The following ZNF782 variants were observed in gnomAD, a reference collection of about 807,000 sequenced individuals.
The protein encoded by ZNF782 is zinc finger protein 782.
A neutral mutation model predicts 13.0 loss-of-function variants in ZNF782; 12 were observed. The observed-to-expected ratio is 0.92, with a 90% CI of 0.59 to 1.50. The LOEUF (loss-of-function observed/expected upper bound fraction) is 1.50. Among genes scored for constraint, ZNF782 ranks in the 40% most tolerant of loss-of-function variants. The pLI, the probability that ZNF782 is intolerant of heterozygous loss-of-function variation, is 0.00. For synonymous variants in ZNF782, 284 were observed against 283.0 expected, an observed-to-expected ratio of 1.00 and a Z score of -0.04; for missense variants, 770 against 822.9, an observed-to-expected ratio of 0.94 and a Z score of 0.79.
chr9:96,835,306 G>A (rs754913683), intron 4 of ZNF782, among the ~76,000 whole-genome samples: 1 of 152,204 alleles, frequency 6.6e-6, no homozygotes, highest in Non-Finnish European at 1.5e-5. Context: ...AGAAGGATTT[G>A]GAAAATTTGC....
At chr9:96,865,227 T>C (rs1230564936) in intron 1 of ZNF782, among the ~76,000 whole-genome samples, 1 of 152,100 alleles carries the variant, frequency 6.6e-6, no homozygotes, top group African/African-American at 2.4e-5. Flanking sequence ...GGGAGAAACA[T>C]TGTGTGGTAT....
At chr9:96,826,246 G>A (rs1326339963) in intron 5 of ZNF782, among the ~76,000 whole-genome samples, 6 of 152,074 alleles carry the variant, frequency 3.9e-5, no homozygotes, top group Admixed American at 6.6e-5. Flanking sequence ...CATGTCCTTT[G>A]TAGGGACATG....
At chr9:96,930,392 C>T in the ZNF782 span, among the ~76,000 whole-genome samples, 3 of 152,000 alleles carry the variant, frequency 2.0e-5, no homozygotes, top group Non-Finnish European at 2.9e-5. Context: ...GGCATGGTGG[C>T]GGGAGCCTGT....
At chr9:96,911,737 G>T in the ZNF782 span, among the ~76,000 whole-genome samples, 2 of 151,620 alleles carry the variant, frequency 1.3e-5, no homozygotes, top group South Asian at 2.1e-4. Context: ...AGCGAGGATG[G>T]TCTCCATCTC....
At chr9:96,831,944 A>G (rs1197759875) in intron 4 of ZNF782, among the ~76,000 whole-genome samples, 2 of 152,124 alleles carry the variant, frequency 1.3e-5, no homozygotes, top group African/African-American at 2.4e-5. Context: ...TGAATTTTAA[A>G]AACCAACTCT....
At chr9:96,921,168 A>T in the ZNF782 span, among the ~76,000 whole-genome samples, 2 of 148,748 alleles carry the variant, frequency 1.3e-5, no homozygotes, top group African/African-American at 5.0e-5. Flanking sequence ...AACATAAAAG[A>T]GTGTGGACTT....
chr9:96,883,325 T>C, the ZNF782 span, among the ~76,000 whole-genome samples: 1 of 152,112 alleles, frequency 6.6e-6, no homozygotes. Context: ...AAGGAGGGGT[T>C]TGTTTTCTCC....
Position 96,872,788 on chromosome 9 carries a change from G to A in ZNF782, c.-457+2680C>T, listed in dbSNP as rs142550708. On this transcript the variant is annotated intron_variant, in intron 1 of 5. Transcript: ENST00000498811. ...CACTCTCTGGCCACAATACTTAGTG[G>A]CATAGCGTATTAGATGGCATCTTTG... 2.4e-4 allele frequency among the ~76,000 whole-genome samples: 37 copies of A among 152,254 alleles called. No homozygotes were observed. The East Asian group carries it at 6.9e-3, about 29-fold the overall frequency.
the ZNF782 span, among the ~76,000 whole-genome samples, chr9:96,885,522 C>T: frequency 6.6e-6 from 1 of 151,978 alleles, no homozygotes; most frequent in Non-Finnish European, 1.5e-5. Flanking sequence ...AAAGGGTTAA[C>T]ATTTGTGTTA....
In ZNF782 at chr9:96,850,093, G is replaced by A. The variant is rs1415551275; in HGVS notation, c.15+1854C>T. On this transcript the variant is annotated intron_variant, in intron 3 of 5. Transcript: ENST00000481138. This position sits in a 1 kb window ranked among gnomAD's most constrained non-coding sequence, Gnocchi z 4.3. ...AATTAGGACAACCTCTATGGAAAAA[G>A]TATGGAGATTCCTTAAAGAACTAAA... is the stretch of plus-strand genomic sequence containing the variant. 6.6e-6 allele frequency among the ~76,000 whole-genome samples: 1 copy of A among 152,176 alleles called. No individual in the cohort carries two copies. The highest frequency in any genetic ancestry group is 2.4e-5 in the African/African-American group (1 of 41,446).
the ZNF782 span, chr9:96,893,288 T>G: frequency 3.3e-5 from 5 of 152,196 alleles, no homozygotes; most frequent in African/African-American, 9.7e-5. Context: ...GAAGAGAAAC[T>G]TTGAACTTTC....
intron 1 of ZNF782, among the ~76,000 whole-genome samples, chr9:96,874,309 C>T (rs1377167002): frequency 3.3e-5 from 5 of 152,188 alleles, no homozygotes; most frequent in Admixed American, 6.5e-5. Context: ...AAACACCTTT[C>T]GTGAACCATC....
At chr9:96,878,895 T>C (rs1010621409), upstream of ZNF782, among the ~76,000 whole-genome samples, 1 of 152,202 alleles carries the variant, frequency 6.6e-6, no homozygotes, top group Non-Finnish European at 1.5e-5. Context: ...GTTTATGCTG[T>C]TTCCTCACAT....
chr9:96,831,712 CAAA>C (rs36042943), intron 4 of ZNF782, among the ~76,000 whole-genome samples: 1 of 113,810 alleles, frequency 8.8e-6, no homozygotes. Context: ...GACTCTGTCT[CAAA>C]AAAAAAAAAA....
upstream of ZNF782, among the ~76,000 whole-genome samples, chr9:96,876,816 T>C (rs1851897029): frequency 6.6e-6 from 1 of 151,744 alleles, no homozygotes; most frequent in African/African-American, 2.4e-5. Flanking sequence ...GACCAGCCTG[T>C]GCAACACGGT....
chr9:96,926,932 C>T, the ZNF782 span, among the ~76,000 whole-genome samples: 1 of 152,244 alleles, frequency 6.6e-6, no homozygotes, highest in South Asian at 2.1e-4. Context: ...AAGACTGCTG[C>T]CCAGCAGGGA....
chr9:96,890,410 G>C, the ZNF782 span: 1 of 152,396 alleles, frequency 6.6e-6, no homozygotes, highest in Non-Finnish European at 1.5e-5. Context: ...GTGGTGACAA[G>C]GGGTCCAGGG....
intron 4 of ZNF782, among the ~76,000 whole-genome samples, chr9:96,833,972 C>T (rs904653475): frequency 3.3e-5 from 5 of 152,252 alleles, no homozygotes; most frequent in Non-Finnish European, 7.4e-5. Context: ...GTATCCCCTG[C>T]TATGGTTTGG....
At chr9:96,858,809 T>C (rs572170442), upstream of ZNF782, among the ~76,000 whole-genome samples, 2 of 152,332 alleles carry the variant, frequency 1.3e-5, no homozygotes, top group South Asian at 2.1e-4. This position sits in a 1 kb window ranked among gnomAD's most constrained non-coding sequence, Gnocchi z 4.4. Flanking sequence ...CTCTGCCAGC[T>C]GTGCTCCCCA....
Sources: gnomAD v4.1 joint callset for allele counts (sites outside exome capture counted in the v4.1 genomes callset) on GRCh38, gnomAD v4.1.1 for gene constraint, Gnocchi (gnomAD v3.1) non-coding constraint, MANE v1.5 for transcripts, NCBI Gene and HGNC (gene_info 2026-07-23, HGNC 2026-07-21) for gene names.